Variants in PLCE1 observed in about 807,000 individuals in gnomAD.
PLCE1 encodes the protein phospholipase C epsilon 1.
Under a neutral mutation model 242.8 loss-of-function variants are expected in PLCE1, and 119 were observed. That is an observed-to-expected ratio of 0.49 (90% CI 0.42 to 0.57). The LOEUF (loss-of-function observed/expected upper bound fraction) is 0.57, where lower values mean the gene tolerates loss of function less well. PLCE1 is among the 20% of genes least tolerant of loss of function. The pLI is 0.00. For synonymous variants in PLCE1, 945 were observed against 1,017.4 expected (o/e 0.93, Z 1.35); for missense variants, 2,441 against 2,788.8 (o/e 0.88, Z 2.81).
At chr10:94,282,179 T>C (rs1185238350) in intron 20 of PLCE1, among the ~76,000 whole-genome samples, 1 of 149,612 alleles carries the variant, frequency 6.7e-6, no homozygotes, top group East Asian at 1.9e-4. Context: ...ATCTCTGTGA[T>C]CTCTCATCCT....
chr10:94,048,928 A>AT (rs1398746123), intron 2 of PLCE1, among the ~76,000 whole-genome samples: 152 of 149,282 alleles, frequency 1.0e-3, no homozygotes, highest in African/African-American at 3.2e-3. Flanking sequence ...ATGCCTGGCT[A>AT]TTTTTTTTTA....
chr10:94,183,011 C>T (rs912586579), intron 4 of PLCE1, among the ~76,000 whole-genome samples: 5 of 152,170 alleles, frequency 3.3e-5, no homozygotes, highest in Non-Finnish European at 5.9e-5. Context: ...TTCCTCAAGG[C>T]CTTTGCCATC....
chr10:94,287,430 C>T (rs1031699732), intron 22 of PLCE1: 1 of 149,374 alleles, frequency 6.7e-6, no homozygotes, highest in Non-Finnish European at 1.5e-5. Context: ...TGTATGTCAC[C>T]TTTCATCATC....
intron 3 of PLCE1, among the ~76,000 whole-genome samples, chr10:94,154,177 G>A (rs1327946924): frequency 2.6e-5 from 4 of 152,100 alleles, no homozygotes; most frequent in Non-Finnish European, 5.9e-5. Flanking sequence ...AACATATATG[G>A]TCAAATAATT....
At chr10:94,008,105 T>C (rs2061083106) in intron 1 of PLCE1, among the ~76,000 whole-genome samples, 1 of 151,258 alleles carries the variant, frequency 6.6e-6, no homozygotes, top group Non-Finnish European at 1.5e-5. Context: ...GGTAGGAGGA[T>C]TGCTTGAGCC....
chr10:94,263,162 GC>G (rs2051371827), intron 14 of PLCE1, among the ~76,000 whole-genome samples: 1 of 151,986 alleles, frequency 6.6e-6, no homozygotes, highest in African/African-American at 2.4e-5. Flanking sequence ...GAGCCACTGC[GC>G]CCGACCTTGT....
chr10:94,033,021 A>G (rs2061592055), intron 2 of PLCE1, among the ~76,000 whole-genome samples: 1 of 152,130 alleles, frequency 6.6e-6, no homozygotes, highest in Admixed American at 6.6e-5. Flanking sequence ...ACAATCTAAT[A>G]CACTGTAACA....
At chr10:94,048,164 T>C (rs1025279827) in intron 2 of PLCE1, among the ~76,000 whole-genome samples, 1 of 152,204 alleles carries the variant, frequency 6.6e-6, no homozygotes, top group Admixed American at 6.5e-5. Context: ...ACTTTACTGG[T>C]GCATTCTCCA....
chr10:94,193,523 A>AT (rs1284238677), intron 4 of PLCE1, among the ~76,000 whole-genome samples: 1 of 152,190 alleles, frequency 6.6e-6, no homozygotes, highest in Non-Finnish European at 1.5e-5. Context: ...GCATGGTTTA[A>AT]TATATCTCTT....
intron 3 of PLCE1, among the ~76,000 whole-genome samples, chr10:94,142,757 A>G (rs2047008257): frequency 6.6e-6 from 1 of 152,176 alleles, no homozygotes; most frequent in Non-Finnish European, 1.5e-5. Context: ...AGTACCCTCC[A>G]GGTTTCCCTA....
intron 2 of PLCE1, among the ~76,000 whole-genome samples, chr10:94,038,070 C>G (rs1335574697): frequency 6.6e-6 from 1 of 152,096 alleles, no homozygotes; most frequent in Non-Finnish European, 1.5e-5. Context: ...CTGGTGAAAC[C>G]CTGATCTGCT....
At chr10:94,246,954 A>G (rs879863998) in intron 8 of PLCE1, among the ~76,000 whole-genome samples, 1 of 152,058 alleles carries the variant, frequency 6.6e-6, no homozygotes, top group Non-Finnish European at 1.5e-5. Context: ...TCTACTAAAA[A>G]TACAAAAATT....
intron 12 of PLCE1, 26 bp downstream of exon 12, chr10:94,258,948 T>C (rs1313849526): frequency 1.2e-6 from 2 of 1,614,096 alleles, no homozygotes; most frequent in Admixed American, 1.7e-5. Flanking sequence ...TCCTTCTTAT[T>C]CTTTCTCAGG....
intron 2 of PLCE1, among the ~76,000 whole-genome samples, chr10:94,054,667 T>C (rs2043853800): frequency 6.6e-6 from 1 of 152,198 alleles, no homozygotes. Flanking sequence ...TTTACATCTA[T>C]TGGGGTGGAC....
chr10:94,234,567 G>A (rs949264042), intron 6 of PLCE1, among the ~76,000 whole-genome samples: 7 of 152,186 alleles, frequency 4.6e-5, no homozygotes, highest in East Asian at 3.8e-4. Flanking sequence ...CAAAAAGGGT[G>A]TTGTTTTCTG....
chr10:94,123,842 A>G (rs1019619277), intron 2 of PLCE1, among the ~76,000 whole-genome samples: 1 of 152,178 alleles, frequency 6.6e-6, no homozygotes, highest in African/African-American at 2.4e-5. Flanking sequence ...GTTACCACCT[A>G]TTAACTCACA....
At chr10:94,042,649 G>A (rs1432509535) in intron 2 of PLCE1, among the ~76,000 whole-genome samples, 1 of 152,174 alleles carries the variant, frequency 6.6e-6, no homozygotes, top group Non-Finnish European at 1.5e-5. Context: ...AATGGGAGAT[G>A]CAGGGAACAA....
intron 22 of PLCE1, among the ~76,000 whole-genome samples, chr10:94,291,690 G>A (rs2133431900): frequency 6.6e-6 from 1 of 152,242 alleles, no homozygotes; most frequent in East Asian, 1.9e-4. Flanking sequence ...ATCACTTGAG[G>A]TCAGGAGTTC....
chr10:94,078,863 T>A (rs549681692), intron 2 of PLCE1, among the ~76,000 whole-genome samples: 15 of 152,300 alleles, frequency 9.8e-5, no homozygotes, highest in South Asian at 6.2e-4. Flanking sequence ...CATTACCAAA[T>A]CTGACCTCCA....
Sources: allele counts gnomAD v4.1 joint callset (sites outside exome capture counted in the v4.1 genomes callset), GRCh38; gene constraint gnomAD v4.1.1; transcripts MANE v1.5; gene names NCBI Gene and HGNC (gene_info 2026-07-23, HGNC 2026-07-21).